The following DLG2 variants were observed in gnomAD, a reference collection of about 807,000 sequenced individuals.
DLG2 encodes the protein discs large MAGUK scaffold protein 2.
Under a neutral mutation model 132.5 loss-of-function variants are expected in DLG2, and 45 were observed. The ratio of observed to expected loss-of-function variants is 0.34; its 90% CI spans 0.27 to 0.44. The LOEUF is 0.44. Ranked by LOEUF, DLG2 falls within the 20% of genes least tolerant of loss-of-function variation. DLG2 has a pLI of 1.00. For synonymous variants in DLG2, 424 were observed against 419.6 expected (o/e 1.01, Z -0.13); for missense variants, 1,045 against 1,196.9 (o/e 0.87, Z 1.87).
At chr11:84,922,915 G>A (rs966810610) in intron 6 of DLG2, among the ~76,000 whole-genome samples, 3 of 151,142 alleles carry the variant, frequency 2.0e-5, no homozygotes, top group Non-Finnish European at 4.4e-5. Context: ...CTCCCCCAGC[G>A]AGGCTGCACG....
chr11:83,878,880 T>A (rs1210600301), intron 15 of DLG2, among the ~76,000 whole-genome samples: 2 of 152,170 alleles, frequency 1.3e-5, no homozygotes, highest in African/African-American at 2.4e-5. Flanking sequence ...ACTGTGGAGA[T>A]AAATATTACT....
intron 7 of DLG2, among the ~76,000 whole-genome samples, chr11:84,363,232 GT>G (rs1356587103): frequency 3.2e-4 from 49 of 152,028 alleles, no homozygotes; most frequent in Non-Finnish European, 4.3e-4. Flanking sequence ...TCTCATTGTG[GT>G]TTTGATTTGC....
At chr11:85,153,887 T>G (rs1238996304) in intron 5 of DLG2, among the ~76,000 whole-genome samples, 1 of 152,112 alleles carries the variant, frequency 6.6e-6, no homozygotes, top group Non-Finnish European at 1.5e-5. Flanking sequence ...CTTTTAGCAT[T>G]TAAGCAGCAT....
intron 18 of DLG2, among the ~76,000 whole-genome samples, chr11:83,706,395 G>A (rs573341988): frequency 3.3e-5 from 5 of 151,992 alleles, no homozygotes; most frequent in Non-Finnish European, 5.9e-5. Context: ...TTAAGGCAGC[G>A]GCTGAATGAC....
intron 15 of DLG2, among the ~76,000 whole-genome samples, chr11:83,906,053 GTCTC>G (rs57799505): frequency 0.14 from 17,508 of 128,618 alleles, 1,290 homozygotes; most frequent in African/African-American, 0.2. Flanking sequence ...CTGTCTGTCT[GTCTC>G]TCTCTCTCTC....
chr11:83,479,199 A>G (rs959107569), intron 22 of DLG2, among the ~76,000 whole-genome samples: 1 of 151,810 alleles, frequency 6.6e-6, no homozygotes, highest in Non-Finnish European at 1.5e-5. Context: ...CTTGGTCTAC[A>G]TCTTCCTTCT....
intron 6 of DLG2, among the ~76,000 whole-genome samples, chr11:84,681,201 C>T (rs1467812933): frequency 6.6e-6 from 1 of 152,140 alleles, no homozygotes; most frequent in Non-Finnish European, 1.5e-5. Flanking sequence ...ACTTACTGTC[C>T]TGAGGACCAC....
intron 3 of DLG2, among the ~76,000 whole-genome samples, chr11:85,442,103 C>T (rs2091809576): frequency 6.6e-6 from 1 of 151,796 alleles, no homozygotes; most frequent in Non-Finnish European, 1.5e-5. Context: ...GAGATGAAGT[C>T]GGAAAGCTCC....
At chr11:85,545,977 T>G (rs1442566119) in intron 3 of DLG2, among the ~76,000 whole-genome samples, 2 of 152,216 alleles carry the variant, frequency 1.3e-5, no homozygotes, top group East Asian at 3.8e-4. Context: ...GGGTTTTTTG[T>G]GTCTCTGTCT....
chr11:83,615,279 G>A (rs961089708), intron 19 of DLG2, among the ~76,000 whole-genome samples: 1 of 152,212 alleles, frequency 6.6e-6, no homozygotes, highest in Non-Finnish European at 1.5e-5. Flanking sequence ...GGGCTATGTT[G>A]TGACAGGCAC....
At chr11:83,970,598 C>A (rs1175382446) in intron 12 of DLG2, among the ~76,000 whole-genome samples, 1 of 152,152 alleles carries the variant, frequency 6.6e-6, no homozygotes. Context: ...CCTGGTGCTT[C>A]CTAGCTGTGT....
At chr11:84,014,077 A>G (rs181674878) in intron 11 of DLG2, among the ~76,000 whole-genome samples, 2 of 152,194 alleles carry the variant, frequency 1.3e-5, no homozygotes, top group Admixed American at 1.3e-4. Context: ...AGAGTTGTGT[A>G]TTTATCAAGA....
At position 84,606,487 on chromosome 11, in the gene DLG2, T is replaced by C. The variant is rs541622513; in HGVS notation, c.358-71756A>G. Among the ~76,000 whole-genome samples, 5 of 152,304 alleles carry C rather than the reference T, an allele frequency of 3.3e-5. No homozygotes were observed. In the South Asian group the frequency reaches 8.3e-4, roughly 25 times the overall value. On this transcript the variant is annotated intron_variant, in intron 6 of 27. Coordinates refer to ENST00000376104, the MANE Select transcript of DLG2 (RefSeq NM_001142699.3). Reference sequence around the variant, plus strand: ...TTTCCTATGCTTTCTAAATTTTCTATATTAAGCATGCATGGTATTACTTTA... The same window carrying C: ...TTTCCTATGCTTTCTAAATTTTCTACATTAAGCATGCATGGTATTACTTTA...
intron 4 of DLG2, among the ~76,000 whole-genome samples, chr11:85,209,893 C>T (rs1451262752): frequency 6.6e-6 from 1 of 152,110 alleles, no homozygotes; most frequent in Non-Finnish European, 1.5e-5. Context: ...ACCAAGCAGA[C>T]TCCTGCCCTC....
intron 4 of DLG2, among the ~76,000 whole-genome samples, chr11:85,256,552 T>C (rs1334284551): frequency 2.6e-5 from 4 of 152,110 alleles, no homozygotes; most frequent in Non-Finnish European, 5.9e-5. Flanking sequence ...ACATACCCAC[T>C]TGGGCTCCAG....
intron 3 of DLG2, among the ~76,000 whole-genome samples, chr11:85,552,658 G>C (rs987591915): frequency 2.0e-5 from 3 of 151,384 alleles, no homozygotes; most frequent in African/African-American, 7.3e-5. Flanking sequence ...TCAATGTATA[G>C]ATTAATTAGC....
intron 6 of DLG2, among the ~76,000 whole-genome samples, chr11:84,538,827 C>T (rs958564358): frequency 2.6e-5 from 4 of 151,972 alleles, no homozygotes; most frequent in South Asian, 4.1e-4. Flanking sequence ...CAGACATTCC[C>T]GTGTTTTTTT....
At chr11:84,549,716 G>A (rs1369682242) in intron 6 of DLG2, among the ~76,000 whole-genome samples, 1 of 152,072 alleles carries the variant, frequency 6.6e-6, no homozygotes, top group Non-Finnish European at 1.5e-5. Flanking sequence ...CCTCCTAACA[G>A]GTGCTTAGGA....
intron 7 of DLG2, among the ~76,000 whole-genome samples, chr11:84,439,076 C>T (rs879912774): frequency 1.3e-5 from 2 of 152,184 alleles, no homozygotes; most frequent in African/African-American, 2.4e-5. Context: ...CATTGGTAGT[C>T]AGAACCCATG....
Sources: allele counts gnomAD v4.1 joint callset (sites outside exome capture counted in the v4.1 genomes callset), GRCh38; gene constraint gnomAD v4.1.1; transcripts MANE v1.5; gene names NCBI Gene and HGNC (gene_info 2026-07-23, HGNC 2026-07-21).